NKD1: variants seen among roughly 807,000 people sequenced by gnomAD.
NKD1 encodes NKD inhibitor of Wnt signaling pathway 1, also known as protein naked cuticle homolog 1.
A neutral mutation model predicts 56.0 loss-of-function variants in NKD1; 21 were observed. The observed-to-expected ratio is 0.38, with a 90% CI of 0.27 to 0.54. NKD1 has a LOEUF of 0.54. NKD1 is among the 20% of genes least tolerant of loss of function. NKD1 has a pLI of 0.82. For missense variants in NKD1, 578 were observed against 642.7 expected, an observed-to-expected ratio of 0.90 and a Z score of 1.09; for synonymous variants, 263 against 265.7, an observed-to-expected ratio of 0.99 and a Z score of 0.10.
At chr16:50,564,718 A>G (rs750339635) in intron 3 of NKD1, among the ~76,000 whole-genome samples, 1 of 151,782 alleles carries the variant, frequency 6.6e-6, no homozygotes, top group Non-Finnish European at 1.5e-5. Flanking sequence ...CCAAGTCCCC[A>G]CCTCTTTTAT....
chr16:50,606,770 C>T (rs1017371974), intron 3 of NKD1: 5 of 456,252 alleles, frequency 1.1e-5, no homozygotes, highest in African/African-American at 2.0e-5. Flanking sequence ...TGAAGAGGTG[C>T]GCAGATTCTC....
rs142568978 is a variant in NKD1 at position 50,588,339 on chromosome 16, C to T, written c.193-19955C>T. On this transcript the variant is annotated intron_variant, in intron 3 of 9. Coordinates refer to ENST00000268459, the MANE Select transcript of NKD1 (RefSeq NM_033119.5). ...GGTCACATACCCTAACAGCAGGTAA[C>T]GGTAGTTATCAGCTTGTCTGCCCTT... 5.4e-3 allele frequency among the ~76,000 whole-genome samples: 822 copies of T among 152,316 alleles called. 6 individuals are homozygous for T. Among genetic ancestry groups the T allele is most frequent in the African/African-American group, 0.019 (789 of 41,564 alleles).
intron 4 of NKD1, among the ~76,000 whole-genome samples, chr16:50,614,399 C>T (rs1281132910): frequency 7.2e-5 from 11 of 152,172 alleles, no homozygotes; most frequent in Non-Finnish European, 1.6e-4. Flanking sequence ...CGTATACTCA[C>T]ACATTCACAC....
chr16:50,614,782 T>C (rs1961924511), intron 4 of NKD1, among the ~76,000 whole-genome samples: 1 of 152,180 alleles, frequency 6.6e-6, no homozygotes, highest in Admixed American at 6.5e-5. Context: ...AATGGTTAGA[T>C]GACAATCTTA....
intron 3 of NKD1, among the ~76,000 whole-genome samples, chr16:50,604,590 C>T (rs1019346630): frequency 3.3e-5 from 5 of 152,168 alleles, no homozygotes; most frequent in African/African-American, 7.2e-5. Context: ...TTATTGCTGT[C>T]GCCCCTGTTT....
intron 3 of NKD1, among the ~76,000 whole-genome samples, chr16:50,570,554 C>T (rs1211483067): frequency 6.6e-6 from 1 of 152,224 alleles, no homozygotes; most frequent in East Asian, 1.9e-4. Flanking sequence ...GTGCCTTAAC[C>T]TCTCTGTGTC....
intron 6 of NKD1, among the ~76,000 whole-genome samples, chr16:50,627,298 C>G (rs1291800550): frequency 1.3e-5 from 2 of 152,204 alleles, no homozygotes; most frequent in Non-Finnish European, 2.9e-5. Flanking sequence ...TTCCTCAGCT[C>G]TATTTCCCTT....
rs2035850045 is a variant in NKD1 at position 50,639,856 on chromosome 16, T to G, written c.*6075T>G. On this transcript the variant is annotated 3_prime_UTR_variant, in exon 10 of 10. Transcript: ENST00000268459. ...CTGGCTCAGGACTACGGTCTGAAAT[T>G]AGGGAGATATGAATGTCTTTCTTGA... 6.6e-6 allele frequency: 1 copy of G among 152,204 alleles called. No individual in the cohort carries two copies. Among genetic ancestry groups the G allele is most frequent in the Admixed American group, 6.5e-5 (1 of 15,270 alleles). The allele number at this position is 152,204 out of a possible 1,614,324, so 9.4% of individuals were successfully genotyped here.
At position 50,648,795 on chromosome 16, in the gene NKD1, A is replaced by G. The variant is rs1962727220; in HGVS notation, c.*15014A>G. The G allele has an allele frequency of 6.6e-6, 1 of 152,226 alleles. No individual in the cohort carries two copies. The highest frequency in any genetic ancestry group is 1.5e-5 in the Non-Finnish European group (1 of 68,034). 9.4% of individuals were successfully genotyped at this position (152,226 alleles called of 1,614,324 possible). A position where few individuals can be genotyped will look rare whatever the true frequency, so the allele number is the denominator to read the frequency against. The stretch of plus-strand genomic sequence containing the variant: ...AGAGAGCTTGTTTATACCTATTGTC[A>G]TCTCTGTTCTTCTGTGCCCCTTCTT... On this transcript the variant is annotated 3_prime_UTR_variant, in exon 10 of 10. Coordinates refer to ENST00000268459, the MANE Select transcript of NKD1 (RefSeq NM_033119.5).
Position 50,633,617 on chromosome 16 carries a change from C to T in NKD1, c.1249C>T (p.Gln417Ter). 6.2e-7 allele frequency: 1 copy of T among 1,610,102 alleles called. No homozygotes were observed. The highest frequency in any genetic ancestry group is 8.5e-7 in the Non-Finnish European group (1 of 1,178,868). The change falls in exon 10 of 10, where the codon CAG (glutamine) becomes TAG (stop). Residue 417 changes from glutamine to a stop codon, truncating the protein, a stop_gained. Transcript: ENST00000268459. LOFTEE classifies it high-confidence loss of function. This position sits in a 1 kb window ranked among gnomAD's most constrained non-coding sequence, Gnocchi z 4.9. The stretch of plus-strand genomic sequence containing the variant: ...GAGCCAGCAGGGCTGCCGGGGCCTG[C>T]AGGCACCACTGGCCTCAGGTGGCCC... Reference protein sequence around the residue: ...KESQQGCRGLQAPLASGGPVL... With the variant: ...KESQQGCRGL
chr16:50,625,355 C>A, intron 5 of NKD1, 130 bp from the exon 6 acceptor site: 1 of 689,410 alleles, frequency 1.5e-6, no homozygotes, highest in East Asian at 2.6e-5. Flanking sequence ...TGCTCCCTGT[C>A]CACTCAAGGT....
chr16:50,604,076 A>T (rs957668278), intron 3 of NKD1, among the ~76,000 whole-genome samples: 9 of 152,200 alleles, frequency 5.9e-5, no homozygotes, highest in Non-Finnish European at 1.2e-4. Context: ...GCCAGAGGGG[A>T]GGGGCCTGGG....
chr16:50,600,860 G>T (rs1455353112), intron 3 of NKD1, among the ~76,000 whole-genome samples: 5 of 152,352 alleles, frequency 3.3e-5, no homozygotes, highest in African/African-American at 9.6e-5. Flanking sequence ...ACTCCTTGCT[G>T]GCTGTCCACC....
At chr16:50,571,904 C>A (rs1960892079) in intron 3 of NKD1, among the ~76,000 whole-genome samples, 1 of 152,206 alleles carries the variant, frequency 6.6e-6, no homozygotes. Context: ...AGGCTGAGCA[C>A]AACCTGCCCC....
chr16:50,582,306 G>A (rs1219414418), intron 3 of NKD1, among the ~76,000 whole-genome samples: 1 of 152,150 alleles, frequency 6.6e-6, no homozygotes, highest in Non-Finnish European at 1.5e-5. Flanking sequence ...TCTGTGCCTA[G>A]AGCCCCAGCC....
chr16:50,569,956 C>T (rs1332137951), intron 3 of NKD1, among the ~76,000 whole-genome samples: 5 of 152,132 alleles, frequency 3.3e-5, no homozygotes, highest in African/African-American at 1.2e-4. Context: ...GCGGGCACTG[C>T]CTACCATGGC....
In NKD1 at chr16:50,635,626, A is replaced by G. The variant is rs987654413; in HGVS notation, c.*1845A>G. Reference sequence around the variant, plus strand: ...TAATGACTGATGTGCCTGGGATTGGATTAATACATTAATCCTTAGGACAGC... The same window carrying G: ...TAATGACTGATGTGCCTGGGATTGGGTTAATACATTAATCCTTAGGACAGC... On this transcript the variant is annotated 3_prime_UTR_variant, in exon 10 of 10. Transcript: ENST00000268459. The surrounding 1 kb of genome is among the most constrained non-coding windows in gnomAD (Gnocchi z 4.1). 6 of 152,280 alleles carry G rather than the reference A, an allele frequency of 3.9e-5. No individual in the cohort carries two copies. The highest frequency in any genetic ancestry group is 3.9e-4 in the Admixed American group (6 of 15,304). 9.4% of individuals were successfully genotyped at this position (152,280 alleles called of 1,614,324 possible).
Position 50,632,226 on chromosome 16 carries a change from C to T in NKD1, c.696-55C>T, listed in dbSNP as rs1962361423. 10 of 1,597,970 alleles carry T rather than the reference C, an allele frequency of 6.3e-6. No homozygotes were observed. The South Asian group carries it at 1.0e-4, about 16-fold the overall frequency. On this transcript the variant is annotated intron_variant, in intron 8 of 9. Transcript: ENST00000268459. This position sits in a 1 kb window ranked among gnomAD's most constrained non-coding sequence, Gnocchi z 4.1. ...TGGGGGCTTCCTAGTAGCCTATGCG[C>T]TTGCCCCCACCTGGTGGTTGGTGTT...
chr16:50,639,796 C>G lies in NKD1; in HGVS notation c.*6015C>G, dbSNP rs1044012080. 1 of 152,114 alleles carries G rather than the reference C, an allele frequency of 6.6e-6. No individual in the cohort carries two copies. Among genetic ancestry groups the G allele is most frequent in the Non-Finnish European group, 1.5e-5 (1 of 68,040 alleles). 9.4% of individuals were successfully genotyped at this position (152,114 alleles called of 1,614,324 possible). A position where few individuals can be genotyped will look rare whatever the true frequency, so the allele number is the denominator to read the frequency against. On this transcript the variant is annotated 3_prime_UTR_variant, in exon 10 of 10. Coordinates refer to ENST00000268459, the MANE Select transcript of NKD1 (RefSeq NM_033119.5). ...CCAACTAGGGTGGGTCCACAGTGGC[C>G]CCTGGTGCATGGACCACACACTCTC...
Sources: allele counts gnomAD v4.1 joint callset (sites outside exome capture counted in the v4.1 genomes callset), GRCh38; gene constraint gnomAD v4.1.1; non-coding constraint Gnocchi (gnomAD v3.1); transcripts MANE v1.5; gene names NCBI Gene and HGNC (gene_info 2026-07-23, HGNC 2026-07-21).